Variants in FSTL5 observed in about 807,000 individuals in gnomAD.
FSTL5 encodes the protein follistatin-related protein 5.
Under a neutral mutation model 89.1 loss-of-function variants are expected in FSTL5, and 62 were observed. The observed-to-expected ratio is 0.70, with a 90% CI of 0.57 to 0.86. The LOEUF (loss-of-function observed/expected upper bound fraction) is 0.86, where lower values mean the gene tolerates loss of function less well. FSTL5 is among the 40% of genes least tolerant of loss of function. FSTL5 has a pLI of 0.00. For missense variants in FSTL5, 1,057 were observed against 1,001.6 expected (o/e 1.06, Z -0.75); for synonymous variants, 383 against 346.2 (o/e 1.11, Z -1.18).
At chr4:161,833,620 T>G (rs1254775242) in intron 4 of FSTL5, among the ~76,000 whole-genome samples, 1 of 152,028 alleles carries the variant, frequency 6.6e-6, no homozygotes, top group African/African-American at 2.4e-5. Context: ...GAATTAATCC[T>G]TTTACCATTA....
chr4:162,030,299 A>G (rs1340012494), intron 3 of FSTL5, among the ~76,000 whole-genome samples: 2 of 152,094 alleles, frequency 1.3e-5, no homozygotes, highest in African/African-American at 4.8e-5. Flanking sequence ...TATGTATTTG[A>G]AGATTAAAAT....
At chr4:162,007,340 T>C (rs1423779478) in intron 3 of FSTL5, among the ~76,000 whole-genome samples, 2 of 151,822 alleles carry the variant, frequency 1.3e-5, no homozygotes, top group Non-Finnish European at 3.0e-5. Flanking sequence ...TAACATTCTA[T>C]GTTGAGTTAC....
In FSTL5 at chr4:161,584,514, T is replaced by C. The variant is rs762437848; in HGVS notation, c.1015+2941A>G. 4.9e-4 allele frequency among the ~76,000 whole-genome samples: 75 copies of C among 152,338 alleles called. 1 individual carries two copies. The highest frequency in any genetic ancestry group is 1.8e-3 in the African/African-American group (74 of 41,584). On this transcript the variant is annotated intron_variant, in intron 8 of 15. Coordinates refer to ENST00000306100, the MANE Select transcript of FSTL5 (RefSeq NM_020116.5). ...ATAAAAGATGATCATATCTGTAACT[T>C]TTATAAAATTCACTCCCTTGAATGC...
chr4:161,506,327 C>CA (rs1391821203), intron 11 of FSTL5, among the ~76,000 whole-genome samples: 2 of 81,860 alleles, frequency 2.4e-5, no homozygotes, highest in East Asian at 3.2e-4. Context: ...CCCTCTTCGG[C>CA]CCCCCAAATT....
intron 6 of FSTL5, among the ~76,000 whole-genome samples, chr4:161,695,923 G>T (rs1187506676): frequency 2.0e-5 from 3 of 152,024 alleles, no homozygotes; most frequent in Non-Finnish European, 4.4e-5. Context: ...TGTTTACTCT[G>T]CTGACTGTTC....
chr4:161,767,649 A>C (rs28580430), intron 5 of FSTL5, among the ~76,000 whole-genome samples: 81,527 of 151,960 alleles, frequency 0.54, 25,314 homozygotes, highest in Non-Finnish European at 0.7. Context: ...GGGAAAAGCT[A>C]AGGTAGAGAT....
intron 6 of FSTL5, among the ~76,000 whole-genome samples, chr4:161,699,426 C>A (rs1423930433): frequency 6.6e-6 from 1 of 152,100 alleles, no homozygotes; most frequent in Non-Finnish European, 1.5e-5. Context: ...AAAGACAAGG[C>A]AAAATCAGCC....
chr4:161,418,832 C>A (rs1731880564), intron 15 of FSTL5, among the ~76,000 whole-genome samples: 1 of 152,146 alleles, frequency 6.6e-6, no homozygotes, highest in East Asian at 1.9e-4. Context: ...ATGTTGGGAA[C>A]AAAATAGGCA....
At chr4:161,791,765 G>T (rs951249364) in intron 4 of FSTL5, among the ~76,000 whole-genome samples, 2 of 152,148 alleles carry the variant, frequency 1.3e-5, no homozygotes, top group African/African-American at 4.8e-5. Flanking sequence ...GTGAAAATCA[G>T]GTAGCTATAG....
chr4:161,618,885 A>G (rs1348106859), intron 7 of FSTL5, among the ~76,000 whole-genome samples: 1 of 152,216 alleles, frequency 6.6e-6, no homozygotes, highest in African/African-American at 2.4e-5. Flanking sequence ...TCGCCAAGTC[A>G]ATCCTAAGCC....
chr4:161,945,444 A>G (rs1734708279), intron 3 of FSTL5, among the ~76,000 whole-genome samples: 1 of 152,122 alleles, frequency 6.6e-6, no homozygotes, highest in Non-Finnish European at 1.5e-5. Context: ...GGTTTACAAT[A>G]AATGTGATCA....
At chr4:161,692,311 CT>C (rs1270008141) in intron 6 of FSTL5, among the ~76,000 whole-genome samples, 51 of 148,972 alleles carry the variant, frequency 3.4e-4, no homozygotes, top group Admixed American at 3.4e-3. Flanking sequence ...TTATCAAATG[CT>C]TTTTCCACGT....
chr4:161,460,239 T>C (rs1370724206), intron 13 of FSTL5, among the ~76,000 whole-genome samples: 1 of 152,086 alleles, frequency 6.6e-6, no homozygotes, highest in East Asian at 1.9e-4. Context: ...TTCTTTTCTT[T>C]TTTATTATTA....
intron 4 of FSTL5, among the ~76,000 whole-genome samples, chr4:161,889,096 A>T (rs1732905597): frequency 6.6e-6 from 1 of 152,174 alleles, no homozygotes; most frequent in Admixed American, 6.6e-5. Flanking sequence ...AATTATTTTT[A>T]AAATGTATCC....
chr4:161,505,642 A>T (rs10026342), intron 11 of FSTL5, among the ~76,000 whole-genome samples: 2,579 of 152,150 alleles, frequency 0.017, 67 homozygotes, highest in African/African-American at 0.058. Flanking sequence ...TTGTTTTCAT[A>T]ATAAATGGCA....
chr4:162,029,166 A>AGAGT (rs1491510494), intron 3 of FSTL5, among the ~76,000 whole-genome samples: 138 of 120,680 alleles, frequency 1.1e-3, no homozygotes, highest in African/African-American at 3.6e-3. Context: ...AGAGAGAGAG[A>AGAGT]GTGTGTGTGT....
chr4:161,644,630 G>T (rs1299859461), intron 7 of FSTL5, among the ~76,000 whole-genome samples: 1 of 152,056 alleles, frequency 6.6e-6, no homozygotes, highest in Non-Finnish European at 1.5e-5. Flanking sequence ...ATAGTAGGAA[G>T]AATTAATAGA....
At chr4:161,521,188 T>C (rs1209041138) in intron 10 of FSTL5, among the ~76,000 whole-genome samples, 2 of 152,200 alleles carry the variant, frequency 1.3e-5, no homozygotes, top group African/African-American at 4.8e-5. Context: ...ATGGATAGGC[T>C]TCTATTTAGT....
At chr4:161,560,045 G>T in intron 8 of FSTL5, among the ~76,000 whole-genome samples, 1 of 121,460 alleles carries the variant, frequency 8.2e-6, no homozygotes, top group East Asian at 2.4e-4. Flanking sequence ...AGTTTTCTTG[G>T]TGTGATTTTT....
Sources: gnomAD v4.1 joint callset for allele counts (sites outside exome capture counted in the v4.1 genomes callset) on GRCh38, gnomAD v4.1.1 for gene constraint, MANE v1.5 for transcripts, NCBI Gene and HGNC (gene_info 2026-07-23, HGNC 2026-07-21) for gene names.